ARHGAP31: variants seen among roughly 807,000 people sequenced by gnomAD.
ARHGAP31 encodes Rho GTPase activating protein 31, also known as rho GTPase-activating protein 31.
A neutral mutation model predicts 113.9 loss-of-function variants in ARHGAP31; 34 were observed. That is an observed-to-expected ratio of 0.30 (90% CI 0.23 to 0.40). The LOEUF is 0.40. Among genes scored for constraint, ARHGAP31 ranks in the 10% least tolerant of loss-of-function variants. The pLI is 1.00. For missense variants in ARHGAP31, 1,548 were observed against 1,767.1 expected (o/e 0.88, Z 2.22); for synonymous variants, 650 against 684.8 (o/e 0.95, Z 0.79).
chr3:119,300,673 AC>A (rs1458995096), intron 1 of ARHGAP31, among the ~76,000 whole-genome samples: 1 of 151,968 alleles, frequency 6.6e-6, no homozygotes, highest in Non-Finnish European at 1.5e-5. Context: ...TACTAAAAAT[AC>A]AAAAAAAAAT....
chr3:119,371,788 T>C (rs1255410279), intron 3 of ARHGAP31, among the ~76,000 whole-genome samples: 2 of 152,202 alleles, frequency 1.3e-5, no homozygotes, highest in Non-Finnish European at 2.9e-5. Flanking sequence ...GTCCCCAGTG[T>C]CTGTTGTTCC....
intron 1 of ARHGAP31, among the ~76,000 whole-genome samples, chr3:119,357,390 C>T (rs934620418): frequency 2.0e-5 from 3 of 152,066 alleles, no homozygotes; most frequent in Non-Finnish European, 2.9e-5. Flanking sequence ...GGCTGTCCAG[C>T]GTGGCTGGAA....
chr3:119,301,056 T>C (rs935892980), intron 1 of ARHGAP31, among the ~76,000 whole-genome samples: 2 of 152,130 alleles, frequency 1.3e-5, no homozygotes, highest in Non-Finnish European at 2.9e-5. Flanking sequence ...TGGAGCAAAC[T>C]GACTGGCTAA....
intron 9 of ARHGAP31, among the ~76,000 whole-genome samples, chr3:119,399,869 G>A (rs904984588): frequency 1.3e-5 from 2 of 152,098 alleles, no homozygotes; most frequent in African/African-American, 2.4e-5. Flanking sequence ...AGGTAACACC[G>A]ACCACCAAAA....
At chr3:119,397,244 G>A (rs1185109768) in intron 8 of ARHGAP31, among the ~76,000 whole-genome samples, 1 of 152,230 alleles carries the variant, frequency 6.6e-6, no homozygotes, top group African/African-American at 2.4e-5. Flanking sequence ...ATGTGCTGCT[G>A]TGCTCCGCAA....
chr3:119,393,859 A>G (rs2080525404), intron 8 of ARHGAP31, among the ~76,000 whole-genome samples: 1 of 152,232 alleles, frequency 6.6e-6, no homozygotes, highest in Non-Finnish European at 1.5e-5. Flanking sequence ...TAATATTGAT[A>G]CAATACTCCT....
At position 119,380,915 on chromosome 3, in the gene ARHGAP31, G is replaced by T. The variant is rs750455296; in HGVS notation, c.360G>T (p.Ser120=). Residue 120 remains serine (S), a synonymous_variant, in exon 4 of 12, where the codon TCG becomes TCT. Coordinates refer to ENST00000264245, the MANE Select transcript of ARHGAP31 (RefSeq NM_020754.4). ...ELYEKFTEAV[S]HCPEEGQLAR... The stretch of plus-strand genomic sequence containing the variant: ...GTTCTTCTCCACAGGAGGCAGTGTC[G>T]CATTGCCCTGAAGAAGGCCAACTGG... The T allele has an allele frequency of 1.9e-6, 3 of 1,614,018 alleles. No homozygotes were observed. Among genetic ancestry groups the T allele is most frequent in the Admixed American group, 1.7e-5 (1 of 60,020 alleles).
intron 10 of ARHGAP31, 65 bp downstream of exon 10, chr3:119,402,462 A>C: frequency 6.5e-7 from 1 of 1,546,372 alleles, no homozygotes; most frequent in Non-Finnish European, 8.8e-7. Context: ...AATTTGCTTG[A>C]GTTTGCAAGG....
At chr3:119,391,038 G>C in intron 7 of ARHGAP31, 55 bp downstream of exon 7, 1 of 1,582,614 alleles carries the variant, frequency 6.3e-7, no homozygotes. Flanking sequence ...AGAGGAAAGA[G>C]GAGGAGAGGT....
At position 119,294,888 on chromosome 3, in the gene ARHGAP31, C is replaced by T; in HGVS notation, c.-17C>T. 1 of 1,612,870 alleles carries T rather than the reference C, an allele frequency of 6.2e-7. No homozygotes were observed. Among genetic ancestry groups the T allele is most frequent in the Non-Finnish European group, 8.5e-7 (1 of 1,179,080 alleles). Reference sequence around the variant, plus strand: ...GGGGCGGCAGAGACGGAGGGGCAGCCTCTTTGGGACTAACTCATGAAGAAC... The same window carrying T: ...GGGGCGGCAGAGACGGAGGGGCAGCTTCTTTGGGACTAACTCATGAAGAAC... On this transcript the variant is annotated 5_prime_UTR_variant, in exon 1 of 12. Transcript: ENST00000264245.
At position 119,401,807 on chromosome 3, in the gene ARHGAP31, G is replaced by A. The variant is rs915220153; in HGVS notation, c.1070-15G>A. 1.9e-6 allele frequency: 3 copies of A among 1,613,518 alleles called. No individual in the cohort carries two copies. The highest frequency in any genetic ancestry group is 2.5e-6 in the Non-Finnish European group (3 of 1,179,864). On this transcript the variant is annotated splice_polypyrimidine_tract_variant and intron_variant, in intron 9 of 11. Transcript: ENST00000264245. Reference sequence around the variant, plus strand: ...TGCCCCGGCTGCTGACCATACACTTGTTCCTTTTTACTAGGAAAAGAAACC... The same window carrying A: ...TGCCCCGGCTGCTGACCATACACTTATTCCTTTTTACTAGGAAAAGAAACC...
chr3:119,411,290 G>A (rs1189399934), intron 11 of ARHGAP31, among the ~76,000 whole-genome samples: 1 of 152,136 alleles, frequency 6.6e-6, no homozygotes, highest in Non-Finnish European at 1.5e-5. Flanking sequence ...AAGAAAGGAG[G>A]CACGAATGCA....
intron 3 of ARHGAP31, among the ~76,000 whole-genome samples, chr3:119,380,457 G>A (rs539124253): frequency 2.0e-5 from 3 of 151,692 alleles, no homozygotes; most frequent in Non-Finnish European, 4.4e-5. Context: ...GCACTATGTC[G>A]CTAGACTAGA....
chr3:119,397,290 A>G (rs1345550271), intron 8 of ARHGAP31, among the ~76,000 whole-genome samples: 2 of 152,204 alleles, frequency 1.3e-5, no homozygotes, highest in Non-Finnish European at 2.9e-5. Flanking sequence ...AAGAGGCTTC[A>G]ACACCAAAGG....
chr3:119,358,091 G>A (rs1199013255), intron 1 of ARHGAP31, among the ~76,000 whole-genome samples: 1 of 152,186 alleles, frequency 6.6e-6, no homozygotes, highest in Admixed American at 6.5e-5. Context: ...ACCACCCACA[G>A]CATAGGAGAA....
chr3:119,310,918 G>A (rs946598958), intron 1 of ARHGAP31, among the ~76,000 whole-genome samples: 8 of 152,134 alleles, frequency 5.3e-5, no homozygotes, highest in Non-Finnish European at 1.5e-5. Context: ...GAAGAAACAG[G>A]CTTTTAAAGG....
intron 1 of ARHGAP31, among the ~76,000 whole-genome samples, chr3:119,320,949 G>C (rs546765010): frequency 6.6e-6 from 1 of 152,090 alleles, no homozygotes; most frequent in South Asian, 2.1e-4. Context: ...TTTGAAAAAC[G>C]GGAGTCTCCT....
intron 1 of ARHGAP31, among the ~76,000 whole-genome samples, chr3:119,362,213 T>C (rs1387647406): frequency 5.3e-5 from 8 of 152,160 alleles, no homozygotes; most frequent in African/African-American, 1.9e-4. Flanking sequence ...GAGTCCTCCT[T>C]GTGAGTGTTC....
Position 119,416,499 on chromosome 3 carries a change from T to C in ARHGAP31, c.*235T>C, listed in dbSNP as rs1003790030. 17 of 576,174 alleles carry C rather than the reference T, an allele frequency of 3.0e-5. No individual in the cohort carries two copies. Among genetic ancestry groups the C allele is most frequent in the Non-Finnish European group, 4.9e-5 (16 of 327,678 alleles). 35.7% of individuals were successfully genotyped at this position (576,174 alleles called of 1,614,324 possible). Reference sequence around the variant, plus strand: ...TCTATGTGAGCAAGTGAGAGAAGGTTAGGTAAGGGGAGAGGATGGAATGCT... The same window carrying C: ...TCTATGTGAGCAAGTGAGAGAAGGTCAGGTAAGGGGAGAGGATGGAATGCT... On this transcript the variant is annotated 3_prime_UTR_variant, in exon 12 of 12. Coordinates refer to ENST00000264245, the MANE Select transcript of ARHGAP31 (RefSeq NM_020754.4).
Sources: allele counts gnomAD v4.1 joint callset (sites outside exome capture counted in the v4.1 genomes callset), GRCh38; gene constraint gnomAD v4.1.1; transcripts MANE v1.5; gene names NCBI Gene and HGNC (gene_info 2026-07-23, HGNC 2026-07-21).